The following CDC73 variants were observed in gnomAD, a reference collection of about 807,000 sequenced individuals.
CDC73 encodes the protein parafibromin.
CDC73 carries 21 observed loss-of-function variants against 83.7 expected under a neutral mutation model. The ratio of observed to expected loss-of-function variants is 0.25; its 90% CI spans 0.18 to 0.36. CDC73 has a LOEUF of 0.36. CDC73 is among the 10% of genes least tolerant of loss of function. The probability of loss-of-function intolerance (pLI) is 1.00; values close to 1 mark genes in which losing one functional copy is unlikely to be tolerated. For missense variants in CDC73, 342 were observed against 653.3 expected (o/e 0.52, Z 5.19); for synonymous variants, 224 against 212.9 (o/e 1.05, Z -0.45).
chr1:193,133,608 A>G (rs1411287987), intron 3 of CDC73, among the ~76,000 whole-genome samples: 1 of 152,202 alleles, frequency 6.6e-6, no homozygotes, highest in Non-Finnish European at 1.5e-5. Context: ...TTAAAGAGAC[A>G]TGTCAAGTCA....
At chr1:193,127,710 T>C (rs1675603443) in intron 2 of CDC73, 1 of 152,202 alleles carries the variant, frequency 6.6e-6, no homozygotes, top group Non-Finnish European at 1.5e-5. Flanking sequence ...TCATAAGTAT[T>C]TGCCAGATTG....
intron 6 of CDC73, among the ~76,000 whole-genome samples, chr1:193,139,193 C>T (rs1675856640): frequency 6.6e-6 from 1 of 151,916 alleles, no homozygotes; most frequent in Non-Finnish European, 1.5e-5. Context: ...GTGTTTTCAA[C>T]TTTACTTAAT....
At chr1:193,132,081 C>G (rs1675705854) in intron 3 of CDC73, among the ~76,000 whole-genome samples, 1 of 152,166 alleles carries the variant, frequency 6.6e-6, no homozygotes, top group Non-Finnish European at 1.5e-5. Context: ...TTAATTTACT[C>G]TCTTACAGAG....
At position 193,180,522 on chromosome 1, in the gene CDC73, A is replaced by G. The variant is rs576560774; in HGVS notation, c.973-23273A>G. On this transcript the variant is annotated intron_variant, in intron 10 of 16. Transcript: ENST00000367435. ...CAGGATCAATTCTCAACTTGGCAAG[A>G]CAGATCCCTACATATACATCTTCCA... 176 of 1,614,114 alleles carry G rather than the reference A, an allele frequency of 1.1e-4. 2 individuals carry two copies. The South Asian group carries it at 1.8e-3, about 17-fold the overall frequency.
intron 15 of CDC73, chr1:193,236,684 C>T (rs1324100707): frequency 1.5e-5 from 5 of 334,360 alleles, no homozygotes; most frequent in Non-Finnish European, 2.3e-5. Flanking sequence ...CACCTTAGGT[C>T]GGGAGGTCGA....
intron 7 of CDC73, among the ~76,000 whole-genome samples, chr1:193,146,737 A>G (rs1190221330): frequency 1.3e-5 from 2 of 152,230 alleles, no homozygotes; most frequent in Non-Finnish European, 2.9e-5. Context: ...AGAATATTTC[A>G]TGAAGGAAAG....
chr1:193,145,587 T>G (rs1192374031), intron 7 of CDC73, among the ~76,000 whole-genome samples: 1 of 152,230 alleles, frequency 6.6e-6, no homozygotes, highest in African/African-American at 2.4e-5. Flanking sequence ...TGGAATCTTG[T>G]TTTCTTATTT....
intron 15 of CDC73, among the ~76,000 whole-genome samples, chr1:193,238,480 T>C (rs955822440): frequency 6.6e-6 from 1 of 152,216 alleles, no homozygotes; most frequent in African/African-American, 2.4e-5. Context: ...TTTGATTCTG[T>C]TGACTCCTTT....
At position 193,233,145 on chromosome 1, in the gene CDC73, C is replaced by T. The variant is rs1344996460; in HGVS notation, c.1307C>T (p.Pro436Leu). Residue 436 changes from proline (P) to leucine (L), a missense_variant, in exon 14 of 17, where the codon CCT becomes CTT. Coordinates refer to ENST00000367435, the MANE Select transcript of CDC73 (RefSeq NM_024529.5). ...RVVDQPLKLM[P>L]QDWDRVVAVF... ...GTAGACCAGCCCCTTAAACTTATGC[C>T]TCAAGACTGGTAAGATAGTCTCTAT... 6.2e-7 allele frequency: 1 copy of T among 1,611,216 alleles called. No homozygotes were observed. Among genetic ancestry groups the T allele is most frequent in the Admixed American group, 1.7e-5 (1 of 59,992 alleles).
chr1:193,241,090 T>C (rs75930708), intron 15 of CDC73, among the ~76,000 whole-genome samples: 336 of 152,346 alleles, frequency 2.2e-3, no homozygotes, highest in Admixed American at 4.1e-3. Flanking sequence ...TTACTTTTTC[T>C]GTTTCTTGTG....
intron 13 of CDC73, among the ~76,000 whole-genome samples, chr1:193,213,584 G>A (rs1335011869): frequency 1.3e-5 from 2 of 152,130 alleles, no homozygotes; most frequent in African/African-American, 4.8e-5. Context: ...AGCGAAGGTG[G>A]TTAACTGTAT....
intron 7 of CDC73, among the ~76,000 whole-genome samples, chr1:193,146,474 GAAGC>G (rs201981048): frequency 0.061 from 9,177 of 150,898 alleles, 719 homozygotes; most frequent in African/African-American, 0.18. Flanking sequence ...GCAGAAGGCA[GAAGC>G]AAGCAAGCAA....
chr1:193,219,143 C>T (rs907463149), intron 13 of CDC73, among the ~76,000 whole-genome samples: 2 of 152,324 alleles, frequency 1.3e-5, no homozygotes, highest in South Asian at 2.1e-4. Flanking sequence ...AAATGTTTAA[C>T]ATCACTAATC....
intron 10 of CDC73, among the ~76,000 whole-genome samples, chr1:193,159,556 G>A (rs1402462657): frequency 6.6e-6 from 1 of 151,922 alleles, no homozygotes; most frequent in Admixed American, 6.6e-5. Context: ...ATTTTTAGTA[G>A]AGACTGTATT....
intron 13 of CDC73, among the ~76,000 whole-genome samples, chr1:193,215,451 T>A (rs1188212608): frequency 2.6e-5 from 4 of 152,218 alleles, no homozygotes; most frequent in Non-Finnish European, 5.9e-5. Context: ...CTCCTGATGA[T>A]CAATTTAGTA....
At chr1:193,234,977 G>A (rs1418227982) in intron 14 of CDC73, among the ~76,000 whole-genome samples, 1 of 151,872 alleles carries the variant, frequency 6.6e-6, no homozygotes, top group Admixed American at 6.6e-5. Flanking sequence ...CTTTAAGCTG[G>A]CAGTTTTTAA....
intron 16 of CDC73, 76 bp from the exon 17 acceptor site, chr1:193,250,600 C>T (rs1449101315): frequency 2.7e-5 from 28 of 1,034,142 alleles, no homozygotes; most frequent in Non-Finnish European, 4.2e-5. Context: ...GAAATGTCAA[C>T]TTGTTTTTAC....
chr1:193,184,700 A>G lies in CDC73; in HGVS notation c.973-19095A>G, dbSNP rs1676776000. On this transcript the variant is annotated intron_variant, in intron 10 of 16. Transcript: ENST00000367435. Reference sequence around the variant, plus strand: ...CTTAATTGGTGACTTCAATATTGAGAGATTAAGGTACCAAGAGGGACTTGA... The same window carrying G: ...CTTAATTGGTGACTTCAATATTGAGGGATTAAGGTACCAAGAGGGACTTGA... 2.0e-5 allele frequency among the ~76,000 whole-genome samples: 3 copies of G among 152,010 alleles called. 1 individual carries two copies. Among genetic ancestry groups the G allele is most frequent in the East Asian group, 3.9e-4 (2 of 5,188 alleles).
intron 11 of CDC73, among the ~76,000 whole-genome samples, chr1:193,210,992 A>G (rs150071476): frequency 1.3e-5 from 2 of 152,332 alleles, no homozygotes; most frequent in African/African-American, 4.8e-5. Context: ...ATTTGCTCGT[A>G]TGCTCTCTTT....
Sources: allele counts gnomAD v4.1 joint callset (sites outside exome capture counted in the v4.1 genomes callset), GRCh38; gene constraint gnomAD v4.1.1; transcripts MANE v1.5; gene names NCBI Gene and HGNC (gene_info 2026-07-23, HGNC 2026-07-21).